Variants in SDK1 observed in about 807,000 individuals in gnomAD.
SDK1 encodes protein sidekick-1.
Under a neutral mutation model 245.5 loss-of-function variants are expected in SDK1, and 157 were observed. That is an observed-to-expected ratio of 0.64 (90% CI 0.56 to 0.73). The LOEUF (loss-of-function observed/expected upper bound fraction) is 0.73. Among genes scored for constraint, SDK1 ranks in the 30% least tolerant of loss-of-function variants. SDK1 has a pLI of 0.00. For missense variants in SDK1, 3,583 were observed against 3,002.3 expected, an observed-to-expected ratio of 1.19 and a Z score of -4.52; for synonymous variants, 1,647 against 1,278.5, an observed-to-expected ratio of 1.29 and a Z score of -6.15.
At chr7:4,019,673 C>T (rs372781490) in intron 17 of SDK1, among the ~76,000 whole-genome samples, 5 of 151,968 alleles carry the variant, frequency 3.3e-5, no homozygotes, top group African/African-American at 1.2e-4. Flanking sequence ...AGTTTCCCAT[C>T]TGCAGCTCGG....
intron 41 of SDK1, among the ~76,000 whole-genome samples, chr7:4,235,152 A>G (rs1359620875): frequency 2.0e-5 from 3 of 151,922 alleles, no homozygotes; most frequent in Non-Finnish European, 4.4e-5. Context: ...TGAGGAAGGG[A>G]CCCAGAGGAC....
At chr7:3,564,970 A>G (rs183577039) in intron 1 of SDK1, among the ~76,000 whole-genome samples, 164 of 152,136 alleles carry the variant, frequency 1.1e-3, no homozygotes, top group Admixed American at 5.0e-3. Context: ...TTCCAAGCAG[A>G]AGGAGATATA....
intron 1 of SDK1, among the ~76,000 whole-genome samples, chr7:3,562,008 T>A (rs2614945): frequency 0.43 from 65,851 of 152,028 alleles, 15,144 homozygotes; most frequent in African/African-American, 0.59. Context: ...GAAATAAGCA[T>A]TCATAAATAT....
At chr7:3,304,620 T>G (rs1779369236) in intron 1 of SDK1, among the ~76,000 whole-genome samples, 1 of 152,216 alleles carries the variant, frequency 6.6e-6, no homozygotes, top group Non-Finnish European at 1.5e-5. Context: ...TTGGTATGTG[T>G]TAGAATCACC....
At chr7:3,730,326 G>A (rs561919172) in intron 4 of SDK1, among the ~76,000 whole-genome samples, 6 of 152,294 alleles carry the variant, frequency 3.9e-5, no homozygotes, top group East Asian at 1.9e-4. Context: ...TCTGACAGCC[G>A]AGGCATCAGG....
chr7:3,461,821 G>A (rs1461137572), intron 1 of SDK1, among the ~76,000 whole-genome samples: 2 of 152,152 alleles, frequency 1.3e-5, no homozygotes, highest in Middle Eastern at 3.2e-3. Flanking sequence ...TCTGAGGTCA[G>A]TATCTCCACT....
At chr7:3,573,953 A>T (rs916792456) in intron 1 of SDK1, among the ~76,000 whole-genome samples, 2 of 152,118 alleles carry the variant, frequency 1.3e-5, no homozygotes, top group Non-Finnish European at 2.9e-5. Flanking sequence ...CATTTACTGA[A>T]TGCTTACTAA....
At chr7:3,958,205 G>A (rs969554424) in intron 7 of SDK1, 1 of 320,452 alleles carries the variant, frequency 3.1e-6, no homozygotes, top group Non-Finnish European at 6.1e-6. Flanking sequence ...TCATGATAAT[G>A]AAATCACCAC....
intron 5 of SDK1, among the ~76,000 whole-genome samples, chr7:3,927,403 A>G (rs2010279): frequency 0.36 from 54,556 of 151,924 alleles, 10,466 homozygotes; most frequent in African/African-American, 0.5. Flanking sequence ...TGTTATATGC[A>G]TCGTACATAT....
At chr7:3,901,505 T>A (rs1251838846) in intron 5 of SDK1, among the ~76,000 whole-genome samples, 1 of 152,230 alleles carries the variant, frequency 6.6e-6, no homozygotes, top group Non-Finnish European at 1.5e-5. Context: ...CATGTCCTTG[T>A]CAGTGCACCA....
At chr7:3,684,988 A>T (rs553376790) in intron 4 of SDK1, among the ~76,000 whole-genome samples, 1 of 152,258 alleles carries the variant, frequency 6.6e-6, no homozygotes, top group South Asian at 2.1e-4. Context: ...ACCCAAAGGG[A>T]CCTGTGGGAC....
intron 26 of SDK1, among the ~76,000 whole-genome samples, chr7:4,129,477 G>A (rs1226186299): frequency 2.0e-5 from 3 of 152,184 alleles, no homozygotes; most frequent in South Asian, 2.1e-4. Flanking sequence ...CAGAGCTCCC[G>A]GTCTGTGTGA....
chr7:3,435,021 T>G (rs1779977290), intron 1 of SDK1, among the ~76,000 whole-genome samples: 1 of 152,236 alleles, frequency 6.6e-6, no homozygotes, highest in South Asian at 2.1e-4. Flanking sequence ...CTGGATCCCA[T>G]TAATAAGATA....
intron 32 of SDK1, among the ~76,000 whole-genome samples, chr7:4,162,968 G>A (rs770113016): frequency 1.3e-5 from 2 of 152,202 alleles, no homozygotes; most frequent in African/African-American, 2.4e-5. Flanking sequence ...GGAGCTGTGC[G>A]GAGGACTCAG....
chr7:4,197,950 G>C (rs960552401), intron 35 of SDK1, among the ~76,000 whole-genome samples: 2 of 152,230 alleles, frequency 1.3e-5, no homozygotes, highest in African/African-American at 4.8e-5. Context: ...GCAAAGTGCA[G>C]ATGGTTTCGG....
chr7:3,408,836 C>A (rs1346581583), intron 1 of SDK1, among the ~76,000 whole-genome samples: 1 of 152,174 alleles, frequency 6.6e-6, no homozygotes, highest in Non-Finnish European at 1.5e-5. Flanking sequence ...GATAATAATG[C>A]ATTATAAAAT....
rs1787328630 is a variant in SDK1 at position 4,026,142 on chromosome 7, C to T, written c.2602+8790C>T. On this transcript the variant is annotated intron_variant, in intron 17 of 44. Coordinates refer to ENST00000404826, the MANE Select transcript of SDK1 (RefSeq NM_152744.4). This position sits in a 1 kb window ranked among gnomAD's most constrained non-coding sequence, Gnocchi z 4.1. Reference sequence around the variant, plus strand: ...GTCCCCATGCTGTATGGAAAAGGCCCCTTGCCCCACGGCTGGAGAGGGGAG... The same window carrying T: ...GTCCCCATGCTGTATGGAAAAGGCCTCTTGCCCCACGGCTGGAGAGGGGAG... Among the ~76,000 whole-genome samples the T allele has an allele frequency of 6.6e-6, 1 of 152,240 alleles. No homozygotes were observed. Among genetic ancestry groups the T allele is most frequent in the South Asian group, 2.1e-4 (1 of 4,838 alleles).
intron 42 of SDK1, among the ~76,000 whole-genome samples, chr7:4,240,305 AAC>A (rs915953689): frequency 6.6e-6 from 1 of 152,150 alleles, no homozygotes; most frequent in African/African-American, 2.4e-5. Context: ...GGGAAAAAAT[AAC>A]ACTTATCTAC....
chr7:3,803,233 G>A (rs796493485), intron 4 of SDK1, among the ~76,000 whole-genome samples: 17 of 151,616 alleles, frequency 1.1e-4, no homozygotes, highest in Admixed American at 3.9e-4. Flanking sequence ...CTTATTTGCC[G>A]TTTACATATT....
Sources: gnomAD v4.1 joint callset for allele counts (sites outside exome capture counted in the v4.1 genomes callset) on GRCh38, gnomAD v4.1.1 for gene constraint, Gnocchi (gnomAD v3.1) non-coding constraint, MANE v1.5 for transcripts, NCBI Gene and HGNC (gene_info 2026-07-23, HGNC 2026-07-21) for gene names.